The following RAPGEF5 variants were observed in gnomAD, a reference collection of about 807,000 sequenced individuals.
RAPGEF5 encodes M-Ras-regulated GEF.
A neutral mutation model predicts 125.2 loss-of-function variants in RAPGEF5; 65 were observed. That is an observed-to-expected ratio of 0.52 (90% CI 0.43 to 0.64). The LOEUF (loss-of-function observed/expected upper bound fraction) is 0.64, where lower values mean the gene tolerates loss of function less well. Among genes scored for constraint, RAPGEF5 ranks in the 30% least tolerant of loss-of-function variants. RAPGEF5 has a pLI of 0.00. For missense variants in RAPGEF5, 958 were observed against 1,048.1 expected, an observed-to-expected ratio of 0.91 and a Z score of 1.19; for synonymous variants, 391 against 385.9, an observed-to-expected ratio of 1.01 and a Z score of -0.16.
rs59449779 is a variant in RAPGEF5 at position 22,206,889 on chromosome 7, G to A, written c.997-12856C>T. Among the ~76,000 whole-genome samples, 613 of 152,126 alleles carry A rather than the reference G, an allele frequency of 4.0e-3. 7 individuals carry two copies. Among genetic ancestry groups the A allele is most frequent in the African/African-American group, 0.014 (598 of 41,522 alleles). ...GAAAACAAACTGAGGAAAACAATAT[G>A]CAACAAATATGACAAAATTTTATAT... On this transcript the variant is annotated intron_variant, in intron 9 of 25. Transcript: ENST00000665637.
intron 1 of RAPGEF5, among the ~76,000 whole-genome samples, chr7:22,345,303 A>G (rs1784201233): frequency 6.6e-6 from 1 of 152,186 alleles, no homozygotes. Flanking sequence ...ATTTCTACCA[A>G]TATAACCAGT....
intron 11 of RAPGEF5, among the ~76,000 whole-genome samples, chr7:22,178,666 G>T (rs1328323172): frequency 6.6e-6 from 1 of 152,204 alleles, no homozygotes. Flanking sequence ...CTCTGTTTCC[G>T]TGGGGTTTGG....
intron 1 of RAPGEF5, among the ~76,000 whole-genome samples, chr7:22,324,166 T>TA (rs1294394931): frequency 5.9e-5 from 9 of 152,352 alleles, no homozygotes; most frequent in African/African-American, 2.2e-4. Context: ...TGCCTCCTGA[T>TA]ATGATGAACA....
chr7:22,260,532 T>TAAA (rs71550468), intron 7 of RAPGEF5, among the ~76,000 whole-genome samples: 4,025 of 124,048 alleles, frequency 0.032, 84 homozygotes, highest in African/African-American at 0.052. Flanking sequence ...TTAGGACCAG[T>TAAA]AAAAAAAAAA....
Position 22,291,216 on chromosome 7 carries a change from C to T in RAPGEF5, c.706G>A (p.Glu236Lys), listed in dbSNP as rs777117798. 16 of 1,573,310 alleles carry T rather than the reference C, an allele frequency of 1.0e-5. No homozygotes were observed. The highest frequency in any genetic ancestry group is 1.7e-4 in the Middle Eastern group (1 of 5,992). The change falls in exon 6 of 26, where the codon GAA (glutamate) becomes AAA (lysine). Residue 236 changes from glutamate to lysine, a missense_variant. Transcript: ENST00000665637. ...ACAAGAATTTCATCACTGCTTTCTT[C>T]GGAGTCTTCAATTTTCTGATGAGAC... ...ELSHQKIEDS[E>K]ESSDEILVRL...
intron 7 of RAPGEF5, among the ~76,000 whole-genome samples, chr7:22,261,240 GA>G (rs914320224): frequency 2.0e-5 from 3 of 151,232 alleles, no homozygotes; most frequent in African/African-American, 4.9e-5. Flanking sequence ...ATTTACAATG[GA>G]AAAAAAACTA....
intron 21 of RAPGEF5, among the ~76,000 whole-genome samples, chr7:22,137,561 G>A (rs952952810): frequency 1.3e-5 from 2 of 152,168 alleles, no homozygotes; most frequent in Admixed American, 1.3e-4. Context: ...AAGGAAGAAG[G>A]GCCTGGAATG....
Position 22,315,482 on chromosome 7 carries a change from T to C in RAPGEF5, c.283-6A>G, listed in dbSNP as rs1783569532. The C allele has an allele frequency of 2.0e-6, 3 of 1,467,658 alleles. No individual in the cohort carries two copies. The highest frequency in any genetic ancestry group is 2.7e-6 in the Non-Finnish European group (3 of 1,111,474). 90.9% of individuals were successfully genotyped at this position (1,467,658 alleles called of 1,614,324 possible). ...GAAGAATTCTCTCCATAAATCTAAATGGAAAAGACAGTCACTGTAAATATA... is the reference window on the plus strand; with the variant it reads ...GAAGAATTCTCTCCATAAATCTAAACGGAAAAGACAGTCACTGTAAATATA... On this transcript the variant is annotated splice_region_variant and splice_polypyrimidine_tract_variant and intron_variant, in intron 2 of 25. Coordinates refer to ENST00000665637, the MANE Select transcript of RAPGEF5 (RefSeq NM_012294.5).
chr7:22,130,102 A>G (rs189244794), intron 24 of RAPGEF5, among the ~76,000 whole-genome samples: 4 of 152,288 alleles, frequency 2.6e-5, no homozygotes, highest in Admixed American at 2.6e-4. Flanking sequence ...AGTTCACACA[A>G]ATCCATCACC....
chr7:22,307,831 C>T (rs996889642), intron 5 of RAPGEF5, among the ~76,000 whole-genome samples: 22 of 152,180 alleles, frequency 1.4e-4, no homozygotes, highest in African/African-American at 4.8e-4. Flanking sequence ...ATCACCACAT[C>T]ATGACTCAAG....
At position 22,272,441 on chromosome 7, in the gene RAPGEF5, C is replaced by T. The variant is rs563440951; in HGVS notation, c.748-5429G>A. 7.3e-5 allele frequency among the ~76,000 whole-genome samples: 11 copies of T among 150,862 alleles called. No homozygotes were observed. The East Asian group carries it at 9.7e-4, about 13-fold the overall frequency. ...CAATATTAGCAAAGGTCTTAGTTACCAAAGCGTTGTCCTTACAAATTAATT... is the reference window on the plus strand; with the variant it reads ...CAATATTAGCAAAGGTCTTAGTTACTAAAGCGTTGTCCTTACAAATTAATT... On this transcript the variant is annotated intron_variant, in intron 6 of 25. Transcript: ENST00000665637.
intron 5 of RAPGEF5, among the ~76,000 whole-genome samples, chr7:22,300,588 G>C (rs979974556): frequency 6.6e-5 from 10 of 152,064 alleles, no homozygotes; most frequent in Non-Finnish European, 1.2e-4. Context: ...CCTTTTCTAT[G>C]GTACCTTGGG....
intron 1 of RAPGEF5, among the ~76,000 whole-genome samples, chr7:22,339,332 C>A (rs1460004905): frequency 3.3e-5 from 5 of 152,204 alleles, no homozygotes. Context: ...TCTGAGGAGG[C>A]AAGAAGTGAG....
At chr7:22,297,115 T>A (rs1198976702) in intron 5 of RAPGEF5, among the ~76,000 whole-genome samples, 1 of 152,122 alleles carries the variant, frequency 6.6e-6, no homozygotes, top group South Asian at 2.1e-4. Flanking sequence ...ACAGAGACAT[T>A]GTGCAGCAGC....
chr7:22,339,936 T>C (rs1008529630), intron 1 of RAPGEF5, among the ~76,000 whole-genome samples: 1 of 152,200 alleles, frequency 6.6e-6, no homozygotes, highest in African/African-American at 2.4e-5. Context: ...ACCAGGTGGA[T>C]GGTTACTCAA....
chr7:22,294,804 T>C (rs1056744516), intron 5 of RAPGEF5, among the ~76,000 whole-genome samples: 4 of 152,218 alleles, frequency 2.6e-5, no homozygotes, highest in African/African-American at 4.8e-5. Flanking sequence ...GAAGCCAGCA[T>C]AGTCTTGCTA....
chr7:22,245,876 T>A (rs1378642422), intron 7 of RAPGEF5, among the ~76,000 whole-genome samples: 1 of 152,134 alleles, frequency 6.6e-6, no homozygotes, highest in Non-Finnish European at 1.5e-5. Context: ...GTGGCTTCAG[T>A]GGAGTTTCAG....
Position 22,280,151 on chromosome 7 carries a change from T to C in RAPGEF5, c.747+11024A>G, listed in dbSNP as rs1013199208. Among the ~76,000 whole-genome samples the C allele has an allele frequency of 6.6e-5, 10 of 152,224 alleles. 1 individual carries two copies. The highest frequency in any genetic ancestry group is 2.6e-4 in the Admixed American group (4 of 15,294). On this transcript the variant is annotated intron_variant, in intron 6 of 25. Transcript: ENST00000665637. ...CATGGAATTATAATCCAGAGCTCTT[T>C]AGACACAGGAATATCCACCAATCCA...
chr7:22,256,202 G>A (rs145424770), intron 7 of RAPGEF5, among the ~76,000 whole-genome samples: 71 of 152,260 alleles, frequency 4.7e-4, no homozygotes, highest in Non-Finnish European at 8.8e-4. Flanking sequence ...AGATCGCTTA[G>A]CAAAGCTTCT....
Sources: allele counts gnomAD v4.1 joint callset (sites outside exome capture counted in the v4.1 genomes callset), GRCh38; gene constraint gnomAD v4.1.1; transcripts MANE v1.5; gene names NCBI Gene and HGNC (gene_info 2026-07-23, HGNC 2026-07-21).